The following DNM2 variants were observed in gnomAD, a reference collection of about 807,000 sequenced individuals.
DNM2 encodes the protein dynamin-2.
Under a neutral mutation model 99.0 loss-of-function variants are expected in DNM2, and 15 were observed. The observed-to-expected ratio is 0.15, with a 90% CI of 0.10 to 0.23. DNM2 has a LOEUF of 0.23. Ranked by LOEUF, DNM2 falls within the 10% of genes least tolerant of loss-of-function variation. The probability of loss-of-function intolerance (pLI) is 1.00; values close to 1 mark genes in which losing one functional copy is unlikely to be tolerated. For missense variants in DNM2, 742 were observed against 1,189.4 expected, an observed-to-expected ratio of 0.62 and a Z score of 5.53; for synonymous variants, 525 against 481.2, an observed-to-expected ratio of 1.09 and a Z score of -1.19.
intron 1 of DNM2, among the ~76,000 whole-genome samples, chr19:10,748,359 A>G (rs1220030276): frequency 1.3e-5 from 2 of 152,110 alleles, no homozygotes; most frequent in African/African-American, 2.4e-5. Flanking sequence ...GCGGCTGGAC[A>G]AGGCGGGTGG....
Position 10,820,812 on chromosome 19 carries a change from C to T in DNM2, c.1781+723C>T, listed in dbSNP as rs556973985. Among the ~76,000 whole-genome samples, 54 of 152,300 alleles carry T rather than the reference C, an allele frequency of 3.5e-4. No homozygotes were observed. The highest frequency in any genetic ancestry group is 1.3e-3 in the African/African-American group (53 of 41,570). ...ATTGCGTGGATGGTATTTCAAGGAA[C>T]GAAACCAGATGAGCTCCCAGGAGAG... On this transcript the variant is annotated intron_variant, in intron 16 of 20. Coordinates refer to ENST00000389253, the MANE Select transcript of DNM2 (RefSeq NM_001005361.3). This position sits in a 1 kb window ranked among gnomAD's most constrained non-coding sequence, Gnocchi z 4.3.
chr19:10,814,240 A>C (rs1359479919), intron 15 of DNM2, among the ~76,000 whole-genome samples: 1 of 152,194 alleles, frequency 6.6e-6, no homozygotes, highest in South Asian at 2.1e-4. Flanking sequence ...CAAGGCAGAC[A>C]GATCACTTGA....
intron 17 of DNM2, chr19:10,824,160 T>G: frequency 4.1e-6 from 2 of 493,758 alleles, no homozygotes; most frequent in Non-Finnish European, 7.4e-6. Context: ...TCTTTTCCCC[T>G]TCCATCCTGA....
At chr19:10,802,231 C>A in intron 11 of DNM2, 57 bp from the exon 12 acceptor site, 1 of 1,585,222 alleles carries the variant, frequency 6.3e-7, no homozygotes, top group African/African-American at 1.3e-5. Flanking sequence ...GCTCTTGCCG[C>A]TGCCCCCCCT....
At chr19:10,815,807 C>A (rs193083061) in intron 15 of DNM2, among the ~76,000 whole-genome samples, 7 of 152,274 alleles carry the variant, frequency 4.6e-5, no homozygotes, top group Admixed American at 3.9e-4. Flanking sequence ...GGAGTGCCCC[C>A]CACTGGGGAC....
intron 1 of DNM2, among the ~76,000 whole-genome samples, chr19:10,727,540 A>G (rs970443738): frequency 2.0e-5 from 3 of 151,898 alleles, no homozygotes; most frequent in Non-Finnish European, 4.4e-5. Flanking sequence ...TAATTTTAAG[A>G]AATTTTTTGT....
At chr19:10,797,130 G>A (rs1232826429) in intron 9 of DNM2, among the ~76,000 whole-genome samples, 1 of 152,100 alleles carries the variant, frequency 6.6e-6, no homozygotes, top group Admixed American at 6.6e-5. Context: ...CACCTTGGCT[G>A]TCTGTCTGTG....
chr19:10,735,116 T>C (rs1248604635), intron 1 of DNM2, among the ~76,000 whole-genome samples: 1 of 152,158 alleles, frequency 6.6e-6, no homozygotes, highest in Non-Finnish European at 1.5e-5. Context: ...CGATCTCAGC[T>C]CACTGCAAGC....
intron 16 of DNM2, among the ~76,000 whole-genome samples, chr19:10,822,263 C>G (rs2072998570): frequency 6.7e-6 from 1 of 149,680 alleles, no homozygotes; most frequent in Admixed American, 6.7e-5. Context: ...GATCTCAGCT[C>G]ATTGTAGCCT....
chr19:10,772,404 G>A lies in DNM2; in HGVS notation c.236-75G>A, dbSNP rs2071012418. ...TGGGTCATTACTTTCATTCAACAAA[G>A]CATTTCTCCCCGCAGTCCATGCGCA... On this transcript the variant is annotated intron_variant, in intron 2 of 20. Coordinates refer to ENST00000389253, the MANE Select transcript of DNM2 (RefSeq NM_001005361.3). This position sits in a 1 kb window ranked among gnomAD's most constrained non-coding sequence, Gnocchi z 4.9. The A allele has an allele frequency of 1.3e-6, 2 of 1,591,628 alleles. No homozygotes were observed. Among genetic ancestry groups the A allele is most frequent in the Non-Finnish European group, 8.6e-7 (1 of 1,168,128 alleles).
chr19:10,724,096 A>AAAGGACAAACATGGTTG (rs1555696972), intron 1 of DNM2, among the ~76,000 whole-genome samples: 1 of 150,948 alleles, frequency 6.6e-6, no homozygotes, highest in African/African-American at 2.4e-5. Flanking sequence ...AAAAAAAAAA[A>AAAGGACAAACATGGTTG]AAGGCGATAA....
At chr19:10,777,359 T>C in intron 5 of DNM2, 143 bp downstream of exon 5, 1 of 796,292 alleles carries the variant, frequency 1.3e-6, no homozygotes, top group South Asian at 1.6e-5. Flanking sequence ...CCCTTTGAGC[T>C]ATGTATCTTT....
chr19:10,770,977 G>A (rs1460864161), intron 2 of DNM2, among the ~76,000 whole-genome samples: 1 of 152,220 alleles, frequency 6.6e-6, no homozygotes, highest in East Asian at 1.9e-4. Flanking sequence ...AATTTCTGTA[G>A]AGACGGGGTC....
chr19:10,759,697 C>T (rs143155298), intron 1 of DNM2, 41 bp from the exon 2 acceptor site: 37 of 1,612,806 alleles, frequency 2.3e-5, no homozygotes, highest in South Asian at 3.3e-5. Flanking sequence ...CCCCTCGATC[C>T]GGACGCAAGA....
intron 12 of DNM2, 61 bp downstream of exon 12, chr19:10,802,419 A>C (rs781376051): frequency 3.3e-5 from 52 of 1,575,632 alleles, no homozygotes; most frequent in Non-Finnish European, 4.5e-5. Context: ...AGATCCAAGG[A>C]GGTGACTGAG....
intron 1 of DNM2, among the ~76,000 whole-genome samples, chr19:10,751,639 A>G (rs899391537): frequency 6.6e-6 from 1 of 152,228 alleles, no homozygotes; most frequent in African/African-American, 2.4e-5. Context: ...TGCCCTTTGC[A>G]TGCAGCAGTC....
intron 6 of DNM2, 76 bp from the exon 7 acceptor site, chr19:10,786,488 T>C: frequency 6.2e-7 from 1 of 1,607,706 alleles, no homozygotes; most frequent in Non-Finnish European, 8.5e-7. Flanking sequence ...TGGCCCTTGG[T>C]TGGGGGGAGT....
intron 7 of DNM2, 101 bp from the exon 8 acceptor site, chr19:10,793,619 A>G (rs987609498): frequency 6.2e-7 from 1 of 1,609,570 alleles, no homozygotes; most frequent in African/African-American, 1.3e-5. Flanking sequence ...TGCTGCTGAA[A>G]AATGGTAAAA....
At chr19:10,747,033 A>G (rs774860776) in intron 1 of DNM2, among the ~76,000 whole-genome samples, 1 of 147,962 alleles carries the variant, frequency 6.8e-6, no homozygotes, top group African/African-American at 2.5e-5. Context: ...CACCGCACTC[A>G]ACCAATTTTT....
Sources: gnomAD v4.1 joint callset for allele counts (sites outside exome capture counted in the v4.1 genomes callset) on GRCh38, gnomAD v4.1.1 for gene constraint, Gnocchi (gnomAD v3.1) non-coding constraint, MANE v1.5 for transcripts, NCBI Gene and HGNC (gene_info 2026-07-23, HGNC 2026-07-21) for gene names.